The following YPEL1 variants were observed in gnomAD, a reference collection of about 807,000 sequenced individuals.
YPEL1 encodes the protein protein yippee-like 1.
Under a neutral mutation model 17.3 loss-of-function variants are expected in YPEL1, and 7 were observed. That is an observed-to-expected ratio of 0.40 (90% CI 0.23 to 0.76). The LOEUF (loss-of-function observed/expected upper bound fraction) is 0.76. Ranked by LOEUF, YPEL1 falls within the 30% of genes least tolerant of loss-of-function variation. The probability of loss-of-function intolerance (pLI) is 0.35; values close to 1 mark genes in which losing one functional copy is unlikely to be tolerated. For synonymous variants in YPEL1, 59 were observed against 59.6 expected, an observed-to-expected ratio of 0.99 and a Z score of 0.05; for missense variants, 91 against 155.5, an observed-to-expected ratio of 0.59 and a Z score of 2.21.
intron 1 of YPEL1, among the ~76,000 whole-genome samples, chr22:21,713,216 A>C (rs1336601142): frequency 1.3e-5 from 2 of 152,186 alleles, no homozygotes; most frequent in African/African-American, 4.8e-5. Context: ...TTCCTCAAAA[A>C]ACGAAATATA....
At chr22:21,714,016 A>G (rs1353649319) in intron 1 of YPEL1, among the ~76,000 whole-genome samples, 1 of 152,130 alleles carries the variant, frequency 6.6e-6, no homozygotes, top group African/African-American at 2.4e-5. Context: ...GTGTCCTCAC[A>G]CCTGCTCCTC....
At chr22:21,708,624 G>A (rs2068135771) in intron 2 of YPEL1, among the ~76,000 whole-genome samples, 1 of 149,280 alleles carries the variant, frequency 6.7e-6, no homozygotes, top group East Asian at 2.0e-4. Context: ...ACAGGTGTAA[G>A]CCACCAAGCC....
In YPEL1 at chr22:21,711,136, A is replaced by G. The variant is rs183391808; in HGVS notation, c.-164-228T>C. Among the ~76,000 whole-genome samples, 574 of 151,406 alleles carry G rather than the reference A, an allele frequency of 3.8e-3. 3 individuals carry two copies. Among genetic ancestry groups the G allele is most frequent in the Middle Eastern group, 0.017 (5 of 294 alleles). ...CCTCCTGGGTTCAAGCGATTCTTCTACCTCAGCCTCTGAGTAGCTGGGATT... is the reference window on the plus strand; with the variant it reads ...CCTCCTGGGTTCAAGCGATTCTTCTGCCTCAGCCTCTGAGTAGCTGGGATT... On this transcript the variant is annotated intron_variant, in intron 1 of 4. Transcript: ENST00000339468.
rs1266015741 is a variant in YPEL1 at position 21,700,310 on chromosome 22, G to A, written c.*819C>T. ...CCTGTGGTCTTCAGAGACTCAGTCT[G>A]GTTCTCTCTTGTTTTAAATTGAGAC... On this transcript the variant is annotated 3_prime_UTR_variant, in exon 5 of 5. Coordinates refer to ENST00000339468, the MANE Select transcript of YPEL1 (RefSeq NM_013313.5). 1 of 152,168 alleles carries A rather than the reference G, an allele frequency of 6.6e-6. No homozygotes were observed. The highest frequency in any genetic ancestry group is 2.4e-5 in the African/African-American group (1 of 41,438). The allele number at this position is 152,168 out of a possible 1,614,324, so 9.4% of individuals were successfully genotyped here.
intron 1 of YPEL1, among the ~76,000 whole-genome samples, chr22:21,728,435 C>A (rs1481510270): frequency 6.6e-6 from 1 of 152,210 alleles, no homozygotes; most frequent in African/African-American, 2.4e-5. Context: ...CAAGCCAACA[C>A]CAGCCCTGTC....
chr22:21,726,112 G>A lies in YPEL1; in HGVS notation c.-165+9503C>T, dbSNP rs191231261. On this transcript the variant is annotated intron_variant, in intron 1 of 4. Transcript: ENST00000339468. ...TCTCTGCGGGCAGGGGCCGTGGGGT[G>A]CGGGCAGCTGCAGATTCACCTCACC... Among the ~76,000 whole-genome samples, 13 of 152,322 alleles carry A rather than the reference G, an allele frequency of 8.5e-5. No individual in the cohort carries two copies. In the East Asian group the frequency reaches 2.5e-3, roughly 29 times the overall value.
chr22:21,725,551 C>T (rs1051786893), intron 1 of YPEL1, among the ~76,000 whole-genome samples: 3 of 151,944 alleles, frequency 2.0e-5, no homozygotes, highest in African/African-American at 4.8e-5. Flanking sequence ...ATTTTAAAGT[C>T]ACTTGGGTGG....
rs117960686 is a variant in YPEL1, at chr22:21,718,002, G to A, written c.-164-7094C>T. The stretch of plus-strand genomic sequence containing the variant: ...TTCAATTAGCCAAGTGTGGCGTCAC[G>A]TGTCTGTGGTCCCAGCTACTAGGGA... On this transcript the variant is annotated intron_variant, in intron 1 of 4. Coordinates refer to ENST00000339468, the MANE Select transcript of YPEL1 (RefSeq NM_013313.5). 6.6e-5 allele frequency among the ~76,000 whole-genome samples: 10 copies of A among 151,918 alleles called. No homozygotes were observed. In the East Asian group the frequency reaches 9.7e-4, roughly 15 times the overall value.
intron 1 of YPEL1, among the ~76,000 whole-genome samples, chr22:21,716,307 C>A (rs1194370163): frequency 6.6e-6 from 1 of 152,270 alleles, no homozygotes; most frequent in Non-Finnish European, 1.5e-5. Flanking sequence ...AGCCCTCCCA[C>A]TGAGAAGTAC....
rs527808937 is a variant in YPEL1 at position 21,703,057 on chromosome 22, T to A, written c.270+313A>T. On this transcript the variant is annotated intron_variant, in intron 4 of 4. Transcript: ENST00000339468. This position sits in a 1 kb window ranked among gnomAD's most constrained non-coding sequence, Gnocchi z 6.1. ...GCCCCCTGCAGCCTCCTCGGCCTCCTCCCACACCAGGCTCTGCTCAGCGGG... is the reference window on the plus strand; with the variant it reads ...GCCCCCTGCAGCCTCCTCGGCCTCCACCCACACCAGGCTCTGCTCAGCGGG... Among the ~76,000 whole-genome samples, 1 of 152,306 alleles carries A rather than the reference T, an allele frequency of 6.6e-6. No individual in the cohort carries two copies. The highest frequency in any genetic ancestry group is 2.1e-4 in the South Asian group (1 of 4,828).
intron 1 of YPEL1, among the ~76,000 whole-genome samples, chr22:21,729,147 G>GA (rs754274655): frequency 2.2e-3 from 271 of 120,878 alleles, no homozygotes; most frequent in Middle Eastern, 4.7e-3. Flanking sequence ...CCATCCTGAA[G>GA]AAAAAAAAAA....
chr22:21,725,937 T>C (rs1039113242), intron 1 of YPEL1, among the ~76,000 whole-genome samples: 9 of 151,826 alleles, frequency 5.9e-5, no homozygotes, highest in African/African-American at 1.2e-4. Flanking sequence ...AGGTCGAGGC[T>C]ATGGTGAGCC....
chr22:21,703,927 G>A lies in YPEL1; in HGVS notation c.118-45C>T, dbSNP rs1391262888. On this transcript the variant is annotated intron_variant, in intron 2 of 4. Coordinates refer to ENST00000339468, the MANE Select transcript of YPEL1 (RefSeq NM_013313.5). This position sits in a 1 kb window ranked among gnomAD's most constrained non-coding sequence, Gnocchi z 6.1. ...TGAGATTGGCTGCGAGTGCTTTCTG[G>A]AACGAAGCGGTGCTGCCCAGAACCA... 3.2e-6 allele frequency: 5 copies of A among 1,560,270 alleles called. No individual in the cohort carries two copies. The highest frequency in any genetic ancestry group is 4.3e-6 in the Non-Finnish European group (5 of 1,152,098).
intron 2 of YPEL1, among the ~76,000 whole-genome samples, chr22:21,705,893 G>A (rs900035674): frequency 6.6e-6 from 1 of 152,090 alleles, no homozygotes; most frequent in Non-Finnish European, 1.5e-5. Context: ...ACTTTGGGGG[G>A]CCGAGGTGGG....
At chr22:21,719,802 T>C (rs923038839) in intron 1 of YPEL1, among the ~76,000 whole-genome samples, 3 of 151,340 alleles carry the variant, frequency 2.0e-5, no homozygotes, top group African/African-American at 7.3e-5. Context: ...CCCAGGCGGG[T>C]GGATCATGAG....
chr22:21,713,998 C>T (rs1196924249), intron 1 of YPEL1, among the ~76,000 whole-genome samples: 4 of 152,182 alleles, frequency 2.6e-5, no homozygotes, highest in South Asian at 2.1e-4. Context: ...AAGAGCCAAG[C>T]GCCAGCAGTG....
intron 1 of YPEL1, among the ~76,000 whole-genome samples, chr22:21,719,218 C>T (rs2068256528): frequency 6.6e-6 from 1 of 152,182 alleles, no homozygotes; most frequent in Admixed American, 6.6e-5. Flanking sequence ...CCACATGTCC[C>T]ACACGGTGCA....
At chr22:21,711,026 A>ATTT in intron 1 of YPEL1, 118 bp from the exon 2 acceptor site, 36 of 260,914 alleles carry the variant, frequency 1.4e-4, no homozygotes, top group South Asian at 3.0e-4. Flanking sequence ...CAGGACTAGA[A>ATTT]TTTTTTTTTT....
intron 2 of YPEL1, among the ~76,000 whole-genome samples, chr22:21,708,213 G>A (rs902130922): frequency 4.6e-5 from 7 of 151,974 alleles, no homozygotes; most frequent in Non-Finnish European, 8.8e-5. Flanking sequence ...ATCACCCATG[G>A]AGGCACGAGG....
Sources: allele counts gnomAD v4.1 joint callset (sites outside exome capture counted in the v4.1 genomes callset), GRCh38; gene constraint gnomAD v4.1.1; non-coding constraint Gnocchi (gnomAD v3.1); transcripts MANE v1.5; gene names NCBI Gene and HGNC (gene_info 2026-07-23, HGNC 2026-07-21).